The following MYOM2 variants were observed in gnomAD, a reference collection of about 807,000 sequenced individuals.
MYOM2 encodes the protein myomesin-2.
MYOM2 carries 254 observed loss-of-function variants against 187.6 expected under a neutral mutation model. The ratio of observed to expected loss-of-function variants is 1.35; its 90% confidence interval spans 1.22 to 1.50. The LOEUF is 1.50. MYOM2 is among the 40% of genes most tolerant of loss of function. MYOM2 has a pLI of 0.00. For synonymous variants in MYOM2, 981 were observed against 753.8 expected (o/e 1.30, Z -4.94); for missense variants, 2,796 against 1,924.0 (o/e 1.45, Z -8.48).
intron 3 of MYOM2, among the ~76,000 whole-genome samples, chr8:2,054,210 C>A (rs971771918): frequency 3.3e-5 from 5 of 152,178 alleles, no homozygotes. Flanking sequence ...ATTGTGGGCT[C>A]ACTGATGTGA....
intron 35 of MYOM2, 67 bp from the exon 36 acceptor site, chr8:2,143,334 A>T: frequency 6.3e-7 from 1 of 1,582,366 alleles, no homozygotes; most frequent in Non-Finnish European, 8.7e-7. Flanking sequence ...ACTGCTGCTT[A>T]CATGGCTCCT....
chr8:2,048,513 C>T (rs1818379520), intron 1 of MYOM2, among the ~76,000 whole-genome samples: 1 of 152,222 alleles, frequency 6.6e-6, no homozygotes, highest in African/African-American at 2.4e-5. Flanking sequence ...AATTCTTGAA[C>T]CATGATAACA....
At chr8:2,142,288 A>G in intron 34 of MYOM2, 87 bp from the exon 35 acceptor site, 1 of 1,282,238 alleles carries the variant, frequency 7.8e-7, no homozygotes, top group Non-Finnish European at 1.1e-6. Context: ...CTTCATCGCT[A>G]GTGAGCCTCT....
At chr8:2,053,502 C>G (rs1043127379) in intron 3 of MYOM2, among the ~76,000 whole-genome samples, 3 of 152,184 alleles carry the variant, frequency 2.0e-5, no homozygotes, top group African/African-American at 4.8e-5. Context: ...GAACATATTG[C>G]ATAAACTTCC....
In MYOM2 at chr8:2,129,203, A is replaced by C. The variant is rs955193976; in HGVS notation, c.3771A>C (p.Thr1257=). The C allele has an allele frequency of 6.2e-7, 1 of 1,610,844 alleles. No homozygotes were observed. Among genetic ancestry groups the C allele is most frequent in the African/African-American group, 1.3e-5 (1 of 74,902 alleles). ...IRLQCFMKYF[T]DEMKVNWCHK... The stretch of plus-strand genomic sequence containing the variant: ...TTCAGTGTTTCATGAAGTATTTTAC[A>C]GACGAAATGAAAGTGAACTGGTGTC... The change falls in exon 32 of 37, where the codon ACA becomes ACC. Residue 1257 remains threonine (T), a synonymous_variant. Transcript: ENST00000262113.
chr8:2,127,064 G>A (rs988284449), intron 31 of MYOM2, among the ~76,000 whole-genome samples: 7 of 151,868 alleles, frequency 4.6e-5, no homozygotes, highest in African/African-American at 7.3e-5. Context: ...AGGCTGCTCC[G>A]ACCCTCCCGT....
At chr8:2,092,621 T>G (rs1016988789) in intron 16 of MYOM2, 101 bp downstream of exon 16, 2 of 1,285,796 alleles carry the variant, frequency 1.6e-6, no homozygotes, top group Non-Finnish European at 2.1e-6. Context: ...GCCGCAAGGC[T>G]TCTGCGTAAA....
chr8:2,078,600 TAGC>T, intron 11 of MYOM2, 131 bp from the exon 12 acceptor site: 4 of 754,570 alleles, frequency 5.3e-6, no homozygotes, highest in Non-Finnish European at 6.6e-6. Context: ...GTCAATATCT[TAGC>T]AGCAAAGATT....
intron 2 of MYOM2, 122 bp from the exon 3 acceptor site, chr8:2,052,036 T>C: frequency 1.7e-6 from 2 of 1,201,834 alleles, no homozygotes; most frequent in South Asian, 1.4e-5. Flanking sequence ...CATGTGTGTG[T>C]TTGTGTGTGC....
At position 2,090,187 on chromosome 8, in the gene MYOM2, G is replaced by A. The variant is rs1796249036; in HGVS notation, c.1824G>A (p.Val608=). 1 of 1,612,490 alleles carries A rather than the reference G, an allele frequency of 6.2e-7. No homozygotes were observed. Among genetic ancestry groups the A allele is most frequent in the Non-Finnish European group, 8.5e-7 (1 of 1,178,926 alleles). The change falls in exon 15 of 37, where the codon GTG becomes GTA. Residue 608 remains valine, a synonymous_variant. Coordinates refer to ENST00000262113, the MANE Select transcript of MYOM2 (RefSeq NM_003970.4). ...CGTCCCCCATTCAGGCCCAGGATGTGACCGGTGAGCTGTCACACTGGGTGG... is the reference window on the plus strand; with the variant it reads ...CGTCCCCCATTCAGGCCCAGGATGTAACCGGTGAGCTGTCACACTGGGTGG... ...EITSPIQAQD[V]TVVPSAPGRV...
rs572130048 is a variant in MYOM2 at position 2,134,098 on chromosome 8, T to C, written c.3800+4866T>C. On this transcript the variant is annotated intron_variant, in intron 32 of 36. Transcript: ENST00000262113. ...CAAAACCAGGCGCTGAATGATGATGTAATACTATTAACTCTGCTACAGACC... is the reference window on the plus strand; with the variant it reads ...CAAAACCAGGCGCTGAATGATGATGCAATACTATTAACTCTGCTACAGACC... Among the ~76,000 whole-genome samples the C allele has an allele frequency of 2.6e-5, 4 of 151,626 alleles. No homozygotes were observed. The East Asian group carries it at 7.8e-4, about 30-fold the overall frequency.
Position 2,098,849 on chromosome 8 carries a change from C to T in MYOM2, c.2314-8C>T. On this transcript the variant is annotated splice_polypyrimidine_tract_variant and splice_region_variant and intron_variant, in intron 18 of 36. Transcript: ENST00000262113. ...TCTCATGTATTAATTTAAACAAAAT[C>T]TGAATAGGTGGACGGCTTGACGGAA... The T allele has an allele frequency of 6.2e-7, 1 of 1,606,480 alleles. No individual in the cohort carries two copies. Among genetic ancestry groups the T allele is most frequent in the Non-Finnish European group, 8.5e-7 (1 of 1,174,356 alleles).
chr8:2,139,511 A>G (rs985508996), intron 32 of MYOM2, among the ~76,000 whole-genome samples: 2 of 152,168 alleles, frequency 1.3e-5, no homozygotes, highest in African/African-American at 4.8e-5. Context: ...AAAGGCTATG[A>G]TGGTGAGGAG....
chr8:2,096,356 C>A lies in MYOM2; in HGVS notation c.2235C>A (p.Tyr745Ter). The A allele has an allele frequency of 1.2e-6, 2 of 1,614,226 alleles. No individual in the cohort carries two copies. Among genetic ancestry groups the A allele is most frequent in the African/African-American group, 1.3e-5 (1 of 75,072 alleles). Reference protein sequence around the residue: ...KFSGGSPILGYYLDKREVHHK... With the variant: ...KFSGGSPILG ...GTGGTGGCTCGCCCATCCTGGGCTA[C>A]TACCTGGACAAGCGTGAAGTTCACC... The change falls in exon 18 of 37, where the codon TAC (tyrosine) becomes TAA (stop). Residue 745 changes from tyrosine to a stop codon, truncating the protein, a stop_gained. Transcript: ENST00000262113. LOFTEE classifies it high-confidence loss of function.
At chr8:2,073,571 G>A (rs1475010883) in intron 10 of MYOM2, 71 bp downstream of exon 10, 2 of 1,484,494 alleles carry the variant, frequency 1.3e-6, no homozygotes, top group Non-Finnish European at 1.8e-6. Context: ...CCTGGGAGGA[G>A]GGAGGCGCTG....
intron 32 of MYOM2, among the ~76,000 whole-genome samples, chr8:2,136,395 C>A (rs1798072055): frequency 6.6e-6 from 1 of 152,172 alleles, no homozygotes; most frequent in African/African-American, 2.4e-5. Flanking sequence ...AGAAGTGCAC[C>A]AAGTGGGCCA....
intron 32 of MYOM2, among the ~76,000 whole-genome samples, chr8:2,133,653 G>C (rs760351006): frequency 6.6e-6 from 1 of 152,168 alleles, no homozygotes; most frequent in Non-Finnish European, 1.5e-5. Context: ...TAGAGATGGG[G>C]TTTCACCATG....
chr8:2,089,687 T>C (rs555582536), intron 14 of MYOM2, among the ~76,000 whole-genome samples: 16 of 152,366 alleles, frequency 1.1e-4, no homozygotes, highest in African/African-American at 3.6e-4. Context: ...CTTTCATTAT[T>C]TGCAGGTTAG....
In MYOM2 at chr8:2,076,151, G is replaced by C. The variant is rs750880581; in HGVS notation, c.1131G>C (p.Pro377=). The change falls in exon 11 of 37, where the codon CCG becomes CCC. Residue 377 remains proline, a synonymous_variant. Coordinates refer to ENST00000262113, the MANE Select transcript of MYOM2 (RefSeq NM_003970.4). ...TCTCCCTGCCCCAAGATGCTGACCC[G>C]CTGGTCACAGGGGCCCCCGGTGCAC... ...SAFLFVRDAD[P]LVTGAPGAPM... 6 of 1,611,640 alleles carry C rather than the reference G, an allele frequency of 3.7e-6. No homozygotes were observed. The African/African-American group carries it at 4.0e-5, about 11-fold the overall frequency.
Sources: gnomAD v4.1 joint callset for allele counts (sites outside exome capture counted in the v4.1 genomes callset) on GRCh38, gnomAD v4.1.1 for gene constraint, MANE v1.5 for transcripts, NCBI Gene and HGNC (gene_info 2026-07-23, HGNC 2026-07-21) for gene names.